Variants in CRB1 observed in about 807,000 individuals in gnomAD.
The protein encoded by CRB1 is protein crumbs homolog 1.
In CRB1, 83 loss-of-function variants were observed where a neutral mutation model predicts 120.0. The observed-to-expected ratio is 0.69, with a 90% CI of 0.58 to 0.83. CRB1 has a LOEUF of 0.83. Ranked by LOEUF, CRB1 falls within the 40% of genes least tolerant of loss-of-function variation. The pLI, the probability that CRB1 is intolerant of heterozygous loss-of-function variation, is 0.00. For synonymous variants in CRB1, 625 were observed against 612.5 expected, an observed-to-expected ratio of 1.02 and a Z score of -0.30; for missense variants, 1,699 against 1,687.6, an observed-to-expected ratio of 1.01 and a Z score of -0.12.
chr1:197,412,260 C>T (rs1292124302), intron 5 of CRB1, among the ~76,000 whole-genome samples: 2 of 152,124 alleles, frequency 1.3e-5, no homozygotes, highest in African/African-American at 4.8e-5. Context: ...AATATTTATC[C>T]AAGTTCACTT....
the CRB1 span, among the ~76,000 whole-genome samples, chr1:197,219,848 C>T: frequency 3.9e-3 from 592 of 152,308 alleles, 4 homozygotes; most frequent in African/African-American, 0.014. Flanking sequence ...CTTGTTCTCT[C>T]CTCATAAACG....
the CRB1 span, among the ~76,000 whole-genome samples, chr1:197,230,152 A>G: frequency 6.6e-6 from 1 of 152,226 alleles, no homozygotes; most frequent in Non-Finnish European, 1.5e-5. Context: ...ACTCAGCTGA[A>G]GTGGAAATAC....
intron 5 of CRB1, among the ~76,000 whole-genome samples, chr1:197,398,003 G>A (rs1164570440): frequency 6.6e-6 from 1 of 152,126 alleles, no homozygotes; most frequent in African/African-American, 2.4e-5. Context: ...CCTCTGAGAT[G>A]TCCATCCTAA....
rs113968630 is a variant in CRB1 at position 197,322,281 on chromosome 1, G to C, written c.71-6141G>C. 4.6e-3 allele frequency among the ~76,000 whole-genome samples: 694 copies of C among 152,064 alleles called. 8 individuals carry two copies. The highest frequency in any genetic ancestry group is 0.016 in the African/African-American group (678 of 41,464). On this transcript the variant is annotated intron_variant, in intron 1 of 11. Transcript: ENST00000367400. ...AGATCACTTGAAACCAGGAGTTCGA[G>C]ACAAGCCCCATCTCTACTAAAAATA...
chr1:197,202,528 C>G, the CRB1 span, among the ~76,000 whole-genome samples: 1 of 152,020 alleles, frequency 6.6e-6, no homozygotes, highest in African/African-American at 2.4e-5. Context: ...TCAAAAATAA[C>G]TAAGCAGATT....
Position 197,413,721 on chromosome 1 carries a change from A to C in CRB1, c.1172-7279A>C, listed in dbSNP as rs1663822504. On this transcript the variant is annotated intron_variant, in intron 5 of 11. Transcript: ENST00000367400. ...ATGTGTTAAGCAGGGATAGGATCTAAGAATAACAAATCTGCCTGGTAAGCA... is the reference window on the plus strand; with the variant it reads ...ATGTGTTAAGCAGGGATAGGATCTACGAATAACAAATCTGCCTGGTAAGCA... 4 of 252,962 alleles carry C rather than the reference A, an allele frequency of 1.6e-5. No individual in the cohort carries two copies. The South Asian group carries it at 1.8e-4, about 11-fold the overall frequency. 15.7% of individuals were successfully genotyped at this position (252,962 alleles called of 1,614,324 possible). A position where few individuals can be genotyped will look rare whatever the true frequency, so the allele number is the denominator to read the frequency against.
intron 11 of CRB1, among the ~76,000 whole-genome samples, chr1:197,453,543 G>T (rs55633080): frequency 0.57 from 62,421 of 109,430 alleles, 16,785 homozygotes; most frequent in East Asian, 0.69. Context: ...TATATATAGA[G>T]AGAGAGACAG....
chr1:197,380,871 C>T (rs1661920634), intron 5 of CRB1, among the ~76,000 whole-genome samples: 1 of 152,182 alleles, frequency 6.6e-6, no homozygotes, highest in South Asian at 2.1e-4. Context: ...ACTGACAAGG[C>T]CCAGGAGCCA....
chr1:197,423,804 C>T (rs1664449941), intron 6 of CRB1, among the ~76,000 whole-genome samples: 1 of 152,126 alleles, frequency 6.6e-6, no homozygotes, highest in African/African-American at 2.4e-5. Flanking sequence ...TGGTGGCTGA[C>T]TAAACACAAA....
At chr1:197,454,278 TTA>T (rs1410655864) in intron 11 of CRB1, among the ~76,000 whole-genome samples, 1 of 3,788 alleles carries the variant, frequency 2.6e-4, no homozygotes. Flanking sequence ...AAAAAGTTAC[TTA>T]CTTAAGACAG....
chr1:197,303,654 T>C (rs1223302694), intron 1 of CRB1, among the ~76,000 whole-genome samples: 1 of 152,114 alleles, frequency 6.6e-6, no homozygotes, highest in Non-Finnish European at 1.5e-5. Context: ...CCTAGCTAGA[T>C]TGATGATAGA....
At chr1:197,261,762 A>G in the CRB1 span, among the ~76,000 whole-genome samples, 1 of 152,214 alleles carries the variant, frequency 6.6e-6, no homozygotes, top group Non-Finnish European at 1.5e-5. Flanking sequence ...AAATACCATT[A>G]TAACAATAAT....
At chr1:197,445,052 A>G (rs1665636054) in intron 11 of CRB1, among the ~76,000 whole-genome samples, 1 of 152,154 alleles carries the variant, frequency 6.6e-6, no homozygotes, top group Admixed American at 6.6e-5. Flanking sequence ...GTAATCCTCT[A>G]GTTGGCATTC....
At chr1:197,374,791 T>C (rs898568741) in intron 5 of CRB1, among the ~76,000 whole-genome samples, 3 of 152,202 alleles carry the variant, frequency 2.0e-5, no homozygotes, top group African/African-American at 7.2e-5. Context: ...ACTCCATTTA[T>C]TTCATCTTTC....
At chr1:197,351,187 C>CAAAAAAAAAAAAA (rs780090689) in intron 4 of CRB1, among the ~76,000 whole-genome samples, 4 of 85,370 alleles carry the variant, frequency 4.7e-5, no homozygotes, top group Non-Finnish European at 6.6e-5. Context: ...ACTAAAAATA[C>CAAAAAAAAAAAAA]AAAAAAAAAA....
At chr1:197,461,585 G>A (rs1052722879) in intron 11 of CRB1, among the ~76,000 whole-genome samples, 6 of 152,078 alleles carry the variant, frequency 3.9e-5, no homozygotes, top group African/African-American at 7.2e-5. Context: ...CTAGAGAGAC[G>A]TATAACAAGA....
At position 197,324,486 on chromosome 1, in the gene CRB1, T is replaced by C. The variant is rs181268072; in HGVS notation, c.71-3936T>C. ...TAAGGAACTTTATGTGTATTATCTC[T>C]TTTATTCCTAATAATAATAAGAACA... is the stretch of plus-strand genomic sequence containing the variant. On this transcript the variant is annotated intron_variant, in intron 1 of 11. Transcript: ENST00000367400. Among the ~76,000 whole-genome samples the C allele has an allele frequency of 8.5e-5, 13 of 152,330 alleles. No homozygotes were observed. The East Asian group carries it at 2.5e-3, about 29-fold the overall frequency.
At chr1:197,434,611 T>C in intron 8 of CRB1, 95 bp from the exon 9 acceptor site, 1 of 1,112,378 alleles carries the variant, frequency 9.0e-7, no homozygotes, top group Non-Finnish European at 1.3e-6. Context: ...CAATATGCAA[T>C]GTTATTAACA....
chr1:197,281,745 C>A (rs185450756), intron 1 of CRB1, among the ~76,000 whole-genome samples: 3 of 151,744 alleles, frequency 2.0e-5, no homozygotes, highest in Non-Finnish European at 1.5e-5. Context: ...GGGAGGATAG[C>A]GAAGAATGAT....
Sources: allele counts gnomAD v4.1 joint callset (sites outside exome capture counted in the v4.1 genomes callset), GRCh38; gene constraint gnomAD v4.1.1; transcripts MANE v1.5; gene names NCBI Gene and HGNC (gene_info 2026-07-23, HGNC 2026-07-21).